MTUS2: variants seen among roughly 807,000 people sequenced by gnomAD.
MTUS2 encodes microtubule associated scaffold protein 2.
MTUS2 carries 40 observed loss-of-function variants against 114.1 expected under a neutral mutation model. The observed-to-expected ratio is 0.35, with a 90% CI of 0.27 to 0.46. MTUS2 has a LOEUF of 0.46. Among genes scored for constraint, MTUS2 ranks in the 20% least tolerant of loss-of-function variants. MTUS2 has a pLI of 1.00. For synonymous variants in MTUS2, 688 were observed against 672.0 expected, an observed-to-expected ratio of 1.02 and a Z score of -0.37; for missense variants, 1,679 against 1,705.4, an observed-to-expected ratio of 0.98 and a Z score of 0.27.
At chr13:29,383,248 G>GTATATATATATTTATTTATTTATT (rs1361530154) in intron 8 of MTUS2, among the ~76,000 whole-genome samples, 1 of 63,204 alleles carries the variant, frequency 1.6e-5, no homozygotes, top group Admixed American at 2.0e-4. Context: ...GTGTGTGTGT[G>GTATATATATATTTATTTATTTATT]TGTGTATTTA....
At chr13:29,164,933 T>C (rs1188543472) in intron 5 of MTUS2, among the ~76,000 whole-genome samples, 2 of 152,268 alleles carry the variant, frequency 1.3e-5, no homozygotes, top group Non-Finnish European at 2.9e-5. Flanking sequence ...GGTAGAAATG[T>C]ATTGTTCTGA....
intron 5 of MTUS2, among the ~76,000 whole-genome samples, chr13:29,127,378 A>T (rs1377487574): frequency 1.3e-5 from 2 of 152,220 alleles, no homozygotes; most frequent in Non-Finnish European, 2.9e-5. Context: ...AGATGTTACC[A>T]TGGAGGTATG....
intron 2 of MTUS2, among the ~76,000 whole-genome samples, chr13:28,884,458 G>A (rs7328688): frequency 0.012 from 1,895 of 152,262 alleles, 41 homozygotes; most frequent in African/African-American, 0.042. Flanking sequence ...GGGATGGATG[G>A]TGGTGATGTC....
At chr13:29,471,383 A>G (rs1305212585) in intron 9 of MTUS2, among the ~76,000 whole-genome samples, 1 of 152,050 alleles carries the variant, frequency 6.6e-6, no homozygotes, top group Non-Finnish European at 1.5e-5. Context: ...TTTGCTTCCT[A>G]CATTTTTTGC....
At chr13:29,376,894 TATA>T (rs1168000452) in intron 8 of MTUS2, among the ~76,000 whole-genome samples, 2 of 152,118 alleles carry the variant, frequency 1.3e-5, no homozygotes, top group African/African-American at 2.4e-5. Context: ...TGGCTTCAAA[TATA>T]ATGATATACG....
intron 2 of MTUS2, among the ~76,000 whole-genome samples, chr13:28,848,704 A>G (rs1876049012): frequency 6.6e-6 from 1 of 152,042 alleles, no homozygotes; most frequent in African/African-American, 2.4e-5. Context: ...GCCCCACCCT[A>G]TTCCCTGCCA....
chr13:29,493,401 AG>A (rs1223386873), intron 12 of MTUS2, among the ~76,000 whole-genome samples: 1 of 152,140 alleles, frequency 6.6e-6, no homozygotes. Context: ...GGGGGACGCT[AG>A]GGGCCCTGCT....
At chr13:29,317,765 G>T (rs1900067169) in intron 6 of MTUS2, among the ~76,000 whole-genome samples, 1 of 152,062 alleles carries the variant, frequency 6.6e-6, no homozygotes, top group African/African-American at 2.4e-5. Flanking sequence ...ACTCATCCAG[G>T]TTTCCTCTTT....
chr13:29,147,806 A>C (rs896277840), intron 5 of MTUS2, among the ~76,000 whole-genome samples: 18 of 152,310 alleles, frequency 1.2e-4, no homozygotes, highest in Non-Finnish European at 1.3e-4. Flanking sequence ...TCCGTGGAGA[A>C]TATGTACCAC....
chr13:29,310,523 T>C (rs1026923729), intron 6 of MTUS2, among the ~76,000 whole-genome samples: 10 of 152,094 alleles, frequency 6.6e-5, no homozygotes, highest in Admixed American at 2.0e-4. Context: ...TTTAAAAAGG[T>C]TACATATTGC....
chr13:29,117,434 G>A (rs961635112), intron 5 of MTUS2, among the ~76,000 whole-genome samples: 10 of 152,150 alleles, frequency 6.6e-5, no homozygotes, highest in African/African-American at 1.9e-4. Context: ...TTCCATGCTC[G>A]CGTTAAGTAT....
chr13:29,030,403 C>T (rs539638619), intron 3 of MTUS2, among the ~76,000 whole-genome samples: 6 of 152,320 alleles, frequency 3.9e-5, no homozygotes, highest in African/African-American at 1.2e-4. Flanking sequence ...GTTTCCCTCC[C>T]TGTATCTGGG....
At chr13:28,995,363 G>A (rs1885049997) in intron 2 of MTUS2, among the ~76,000 whole-genome samples, 1 of 152,174 alleles carries the variant, frequency 6.6e-6, no homozygotes, top group Admixed American at 6.5e-5. Context: ...TTTTGGCTTA[G>A]GATTGACTTG....
rs1213560366 is a variant in MTUS2, at chr13:29,024,597, C to T, written c.-102C>T. On this transcript the variant is annotated 5_prime_UTR_variant, in exon 3 of 16. The change creates a premature stop within an existing upstream ORF in the 5' untranslated region. Coordinates refer to ENST00000612955, the MANE Select transcript of MTUS2 (RefSeq NM_001033602.4). ...GCAAGGTGACATTGTCAGGGGAGAACAAGCAGCTTGAGAATTTCCTCTTAA... is the reference window on the plus strand; with the variant it reads ...GCAAGGTGACATTGTCAGGGGAGAATAAGCAGCTTGAGAATTTCCTCTTAA... The T allele has an allele frequency of 9.2e-6, 13 of 1,413,982 alleles. No homozygotes were observed. The Admixed American group carries it at 2.3e-4, about 25-fold the overall frequency. 87.6% of individuals were successfully genotyped at this position (1,413,982 alleles called of 1,614,324 possible). A position where few individuals can be genotyped will look rare whatever the true frequency, so the allele number is the denominator to read the frequency against.
chr13:29,464,583 A>G (rs913863310), intron 9 of MTUS2, among the ~76,000 whole-genome samples: 1 of 152,072 alleles, frequency 6.6e-6, no homozygotes, highest in Non-Finnish European at 1.5e-5. Flanking sequence ...GAGTATGGAG[A>G]CCTAGGGCCT....
intron 5 of MTUS2, among the ~76,000 whole-genome samples, chr13:29,132,756 A>G (rs533899055): frequency 2.0e-3 from 302 of 152,324 alleles, no homozygotes; most frequent in Middle Eastern, 3.4e-3. Context: ...CCATTTGTGA[A>G]TGGACATTTT....
At chr13:29,400,776 A>C (rs1874268900) in intron 8 of MTUS2, among the ~76,000 whole-genome samples, 1 of 152,194 alleles carries the variant, frequency 6.6e-6, no homozygotes, top group Non-Finnish European at 1.5e-5. Flanking sequence ...ATAGGTATAC[A>C]TTTTTCCCCT....
At chr13:29,310,533 CA>C (rs1289822867) in intron 6 of MTUS2, among the ~76,000 whole-genome samples, 4 of 152,084 alleles carry the variant, frequency 2.6e-5, no homozygotes, top group African/African-American at 7.2e-5. Flanking sequence ...TTACATATTG[CA>C]ACCCTTACAA....
At chr13:29,355,575 T>C (rs1450191992) in intron 7 of MTUS2, among the ~76,000 whole-genome samples, 2 of 152,200 alleles carry the variant, frequency 1.3e-5, no homozygotes, top group Non-Finnish European at 2.9e-5. Context: ...GGACAATGGA[T>C]TGCCTGAGGG....
Sources: allele counts gnomAD v4.1 joint callset (sites outside exome capture counted in the v4.1 genomes callset), GRCh38; gene constraint gnomAD v4.1.1; transcripts MANE v1.5; gene names NCBI Gene and HGNC (gene_info 2026-07-23, HGNC 2026-07-21).